Variants in SNTG1 observed in about 807,000 individuals in gnomAD.
SNTG1 encodes gamma-1-syntrophin.
SNTG1 carries 39 observed loss-of-function variants against 74.7 expected under a neutral mutation model. That is an observed-to-expected ratio of 0.52 (90% CI 0.40 to 0.68). The LOEUF (loss-of-function observed/expected upper bound fraction) is 0.68. Among genes scored for constraint, SNTG1 ranks in the 30% least tolerant of loss-of-function variants. The pLI, the probability that SNTG1 is intolerant of heterozygous loss-of-function variation, is 0.00. For synonymous variants in SNTG1, 254 were observed against 217.1 expected (o/e 1.17, Z -1.49); for missense variants, 685 against 609.5 (o/e 1.12, Z -1.30).
At chr8:50,353,260 T>TG (rs1354975508) in intron 2 of SNTG1, among the ~76,000 whole-genome samples, 1 of 28,692 alleles carries the variant, frequency 3.5e-5, no homozygotes, top group Non-Finnish European at 6.6e-5. Context: ...TGTCATGAGG[T>TG]GGGGGGAGGG....
In SNTG1 at chr8:50,796,463, A is replaced by G. The variant is rs1035331241; in HGVS notation, c.*3634A>G. The G allele has an allele frequency of 6.6e-6, 1 of 151,872 alleles. No homozygotes were observed. The highest frequency in any genetic ancestry group is 6.6e-5 in the Admixed American group (1 of 15,224). 9.4% of individuals were successfully genotyped at this position (151,872 alleles called of 1,614,324 possible). A position where few individuals can be genotyped will look rare whatever the true frequency, so the allele number is the denominator to read the frequency against. On this transcript the variant is annotated 3_prime_UTR_variant, in exon 19 of 19. Coordinates refer to ENST00000642720, the MANE Select transcript of SNTG1 (RefSeq NM_018967.5). ...TGCTTTTGAAAATAAAATATTATAA[A>G]TGTTATATATTTTATACATGTTAAA...
chr8:50,331,578 G>A (rs2090968574), intron 2 of SNTG1, among the ~76,000 whole-genome samples: 1 of 152,142 alleles, frequency 6.6e-6, no homozygotes, highest in African/African-American at 2.4e-5. Context: ...AGAAGCCATT[G>A]GCAATATTCA....
intron 1 of SNTG1, among the ~76,000 whole-genome samples, chr8:49,980,583 G>A (rs879263331): frequency 1.2e-4 from 17 of 142,660 alleles, no homozygotes; most frequent in Non-Finnish European, 2.1e-4. Flanking sequence ...CCAGGGCACA[G>A]CTTTGCTGCC....
intron 2 of SNTG1, among the ~76,000 whole-genome samples, chr8:50,292,288 T>C (rs1308485624): frequency 6.6e-6 from 1 of 151,964 alleles, no homozygotes; most frequent in Non-Finnish European, 1.5e-5. Context: ...TCTACTTGAA[T>C]CCAGGACAGG....
At chr8:50,514,809 G>T (rs571799505) in intron 9 of SNTG1, among the ~76,000 whole-genome samples, 10 of 152,110 alleles carry the variant, frequency 6.6e-5, no homozygotes, top group Non-Finnish European at 1.5e-4. Flanking sequence ...CTATAAATTA[G>T]TAGCAGTTGA....
chr8:50,626,924 TC>T (rs1426509752), intron 13 of SNTG1, among the ~76,000 whole-genome samples: 2 of 152,164 alleles, frequency 1.3e-5, no homozygotes, highest in East Asian at 3.9e-4. Flanking sequence ...TCTTTTTGAG[TC>T]ATTGTGGAAA....
chr8:50,439,127 T>G (rs1486258761), intron 5 of SNTG1, among the ~76,000 whole-genome samples: 1 of 152,146 alleles, frequency 6.6e-6, no homozygotes, highest in African/African-American at 2.4e-5. Context: ...TCATTTAAAT[T>G]TATTATCAAA....
intron 2 of SNTG1, among the ~76,000 whole-genome samples, chr8:50,323,614 T>C (rs1211250785): frequency 2.6e-5 from 4 of 152,096 alleles, no homozygotes; most frequent in Admixed American, 1.3e-4. Flanking sequence ...TGTCTTGGTG[T>C]TTTCCTTTAT....
At chr8:50,338,518 A>G (rs1311685308) in intron 2 of SNTG1, among the ~76,000 whole-genome samples, 1 of 152,244 alleles carries the variant, frequency 6.6e-6, no homozygotes, top group East Asian at 1.9e-4. Context: ...AAGAAGTATA[A>G]TGGAATAAAG....
intron 8 of SNTG1, among the ~76,000 whole-genome samples, chr8:50,466,523 C>A (rs568997576): frequency 1.3e-5 from 2 of 151,922 alleles, no homozygotes; most frequent in African/African-American, 4.8e-5. Context: ...AATTTAAAGT[C>A]TTTTGCTGTT....
At chr8:50,339,751 G>T (rs924809217) in intron 2 of SNTG1, among the ~76,000 whole-genome samples, 3 of 151,764 alleles carry the variant, frequency 2.0e-5, no homozygotes, top group Non-Finnish European at 3.0e-5. Flanking sequence ...AATAAAAAGG[G>T]CAACAAACGA....
chr8:50,041,237 G>T (rs924432048), intron 1 of SNTG1, among the ~76,000 whole-genome samples: 5 of 152,072 alleles, frequency 3.3e-5, no homozygotes, highest in South Asian at 4.1e-4. Context: ...TTATTGAGTC[G>T]CTTTGAAATT....
chr8:50,299,564 T>C (rs540176139), intron 2 of SNTG1, among the ~76,000 whole-genome samples: 1 of 152,220 alleles, frequency 6.6e-6, no homozygotes, highest in South Asian at 2.1e-4. Context: ...CAACTTTAAG[T>C]TTTCTAGGAA....
At chr8:50,293,535 G>C (rs903296812) in intron 2 of SNTG1, among the ~76,000 whole-genome samples, 5 of 151,456 alleles carry the variant, frequency 3.3e-5, no homozygotes, top group African/African-American at 1.2e-4. Flanking sequence ...TCAGCCTCCC[G>C]AGTGGCTGGG....
intron 2 of SNTG1, among the ~76,000 whole-genome samples, chr8:50,260,776 G>A (rs1477151575): frequency 2.0e-5 from 3 of 146,720 alleles, no homozygotes; most frequent in Admixed American, 2.0e-4. Context: ...AAAAAGAAAA[G>A]CAAGAAATTA....
At chr8:50,620,098 G>A (rs1375336930) in intron 13 of SNTG1, among the ~76,000 whole-genome samples, 2 of 152,032 alleles carry the variant, frequency 1.3e-5, no homozygotes, top group South Asian at 2.1e-4. Flanking sequence ...GGGGATCTAA[G>A]GGAGACTTGT....
rs149271011 is a variant in SNTG1 at position 50,662,305 on chromosome 8, A to T, written c.1038+3642A>T. Reference sequence around the variant, plus strand: ...CTTGCCTGTGACCATTAATCAGGAAAATCCTGTCCCTTCTGATGTGTTCAT... The same window carrying T: ...CTTGCCTGTGACCATTAATCAGGAATATCCTGTCCCTTCTGATGTGTTCAT... On this transcript the variant is annotated intron_variant, in intron 15 of 18. Coordinates refer to ENST00000642720, the MANE Select transcript of SNTG1 (RefSeq NM_018967.5). 2.1e-4 allele frequency among the ~76,000 whole-genome samples: 32 copies of T among 152,292 alleles called. 1 individual carries two copies. The highest frequency in any genetic ancestry group is 7.0e-4 in the African/African-American group (29 of 41,570).
intron 17 of SNTG1, among the ~76,000 whole-genome samples, chr8:50,714,014 G>C: frequency 7.1e-6 from 1 of 141,670 alleles, no homozygotes; most frequent in Non-Finnish European, 1.5e-5. Flanking sequence ...AGTGGACATC[G>C]CACCACTGCA....
chr8:50,764,286 C>G lies in SNTG1; in HGVS notation c.1395+12175C>G, dbSNP rs2095607932. Among the ~76,000 whole-genome samples the G allele has an allele frequency of 2.0e-5, 3 of 151,880 alleles. No individual in the cohort carries two copies. The East Asian group carries it at 5.8e-4, about 30-fold the overall frequency. The stretch of plus-strand genomic sequence containing the variant: ...AATAAACAAACAGGATTATATCAAA[C>G]TCTAAAGCTTCCTCACAGCAAAGAA... On this transcript the variant is annotated intron_variant, in intron 18 of 18. Coordinates refer to ENST00000642720, the MANE Select transcript of SNTG1 (RefSeq NM_018967.5).
Sources: allele counts gnomAD v4.1 joint callset (sites outside exome capture counted in the v4.1 genomes callset), GRCh38; gene constraint gnomAD v4.1.1; transcripts MANE v1.5; gene names NCBI Gene and HGNC (gene_info 2026-07-23, HGNC 2026-07-21).